The following TUSC3 variants were observed in gnomAD, a reference collection of about 807,000 sequenced individuals.
The protein encoded by TUSC3 is dolichyl-diphosphooligosaccharide--protein glycosyltransferase subunit TUSC3.
A neutral mutation model predicts 44.8 loss-of-function variants in TUSC3; 45 were observed. The ratio of observed to expected loss-of-function variants is 1.00; its 90% CI spans 0.79 to 1.29. The LOEUF (loss-of-function observed/expected upper bound fraction) is 1.29, where lower values mean the gene tolerates loss of function less well. Among genes scored for constraint, TUSC3 ranks in the 50% most tolerant of loss-of-function variants. The probability of loss-of-function intolerance (pLI) is 0.00; values close to 1 mark genes in which losing one functional copy is unlikely to be tolerated. For synonymous variants in TUSC3, 212 were observed against 152.9 expected (o/e 1.39, Z -2.85); for missense variants, 519 against 437.9 (o/e 1.19, Z -1.65).
At chr8:15,748,567 G>A (rs772681938) in intron 9 of TUSC3, 102 bp downstream of exon 9, 1 of 1,170,494 alleles carries the variant, frequency 8.5e-7, no homozygotes, top group African/African-American at 1.5e-5. Context: ...TTGCTGTGTG[G>A]TTTTTTTAAA....
At chr8:15,571,704 G>C (rs1019325189) in intron 1 of TUSC3, among the ~76,000 whole-genome samples, 2 of 152,188 alleles carry the variant, frequency 1.3e-5, no homozygotes, top group East Asian at 3.9e-4. Context: ...AATGCTGTTT[G>C]ATAGAATTTT....
rs1339786128 is a variant in TUSC3, at chr8:15,742,518, T to C, written c.863-1020T>C. ...ATAAAAACAAGACTCAGAGAGGAAATGTTCTGTGCAGAATTTTCTCTGACC... is the reference window on the plus strand; with the variant it reads ...ATAAAAACAAGACTCAGAGAGGAAACGTTCTGTGCAGAATTTTCTCTGACC... On this transcript the variant is annotated intron_variant, in intron 7 of 10. Transcript: ENST00000503731. Among the ~76,000 whole-genome samples the C allele has an allele frequency of 3.3e-5, 5 of 152,172 alleles. No homozygotes were observed. The East Asian group carries it at 7.7e-4, about 24-fold the overall frequency.
chr8:15,771,881 G>A, the TUSC3 span, among the ~76,000 whole-genome samples: 2 of 152,122 alleles, frequency 1.3e-5, no homozygotes, highest in Admixed American at 6.5e-5. Context: ...AAGGTCAGGA[G>A]GTCGAGACCA....
the TUSC3 span, among the ~76,000 whole-genome samples, chr8:15,841,634 G>C: frequency 6.6e-6 from 1 of 151,830 alleles, no homozygotes; most frequent in African/African-American, 2.4e-5. Context: ...CTACCCCAGT[G>C]TCCTGAGTAG....
chr8:15,646,429 T>C (rs1431012583), intron 2 of TUSC3, among the ~76,000 whole-genome samples: 1 of 152,096 alleles, frequency 6.6e-6, no homozygotes, highest in African/African-American at 2.4e-5. Context: ...AATCTACAAA[T>C]TGGTTATTGG....
chr8:15,649,599 A>AT (rs1242838229), intron 2 of TUSC3, among the ~76,000 whole-genome samples: 1 of 152,024 alleles, frequency 6.6e-6, no homozygotes, highest in Non-Finnish European at 1.5e-5. Flanking sequence ...AAAAAAAAAA[A>AT]AAAAAGTTTA....
intron 1 of TUSC3, among the ~76,000 whole-genome samples, chr8:15,612,817 G>A (rs754718271): frequency 4.0e-5 from 6 of 151,796 alleles, no homozygotes; most frequent in African/African-American, 7.3e-5. Flanking sequence ...CAGATTTATG[G>A]CATCTTGGAC....
chr8:15,696,282 G>A (rs1041364846), intron 6 of TUSC3, among the ~76,000 whole-genome samples: 49 of 152,268 alleles, frequency 3.2e-4, no homozygotes, highest in African/African-American at 9.1e-4. Context: ...GGTACAGCTC[G>A]GGATGTGGAT....
intron 6 of TUSC3, among the ~76,000 whole-genome samples, chr8:15,697,321 G>C (rs949571697): frequency 2.0e-5 from 3 of 152,138 alleles, no homozygotes; most frequent in Non-Finnish European, 4.4e-5. Flanking sequence ...CTTCTGCTGA[G>C]TTTGGGTTTG....
intron 2 of TUSC3, among the ~76,000 whole-genome samples, chr8:15,535,136 A>T (rs1452144911): frequency 1.3e-5 from 2 of 152,236 alleles, no homozygotes; most frequent in Non-Finnish European, 2.9e-5. Flanking sequence ...TTTTAAAAAT[A>T]TAAAAGCATA....
chr8:15,463,069 C>T (rs1563257790), intron 1 of TUSC3, among the ~76,000 whole-genome samples: 2 of 151,998 alleles, frequency 1.3e-5, no homozygotes, highest in Admixed American at 6.6e-5. Context: ...TCTACCTTCT[C>T]CTTTTTTTCT....
chr8:15,785,440 C>T, the TUSC3 span, among the ~76,000 whole-genome samples: 37 of 151,040 alleles, frequency 2.4e-4, no homozygotes, highest in Admixed American at 6.6e-4. Context: ...TTATTGTGGA[C>T]ACTTTTTTCA....
intron 2 of TUSC3, among the ~76,000 whole-genome samples, chr8:15,488,205 T>C (rs1163816959): frequency 6.6e-6 from 1 of 152,066 alleles, no homozygotes. Flanking sequence ...CACTTATTTA[T>C]CTCTAAAGTG....
At chr8:15,726,621 C>T (rs192091222) in intron 6 of TUSC3, among the ~76,000 whole-genome samples, 16 of 152,146 alleles carry the variant, frequency 1.1e-4, no homozygotes, top group Admixed American at 3.3e-4. Context: ...GCCTGGCCAA[C>T]GTGGTGAAAC....
At chr8:15,784,638 A>C in the TUSC3 span, among the ~76,000 whole-genome samples, 1 of 152,124 alleles carries the variant, frequency 6.6e-6, no homozygotes, top group Non-Finnish European at 1.5e-5. Context: ...AGAGGACATT[A>C]TGCTAAGTGA....
At chr8:15,645,748 C>T (rs973755288) in intron 2 of TUSC3, among the ~76,000 whole-genome samples, 1 of 152,088 alleles carries the variant, frequency 6.6e-6, no homozygotes, top group Admixed American at 6.5e-5. Flanking sequence ...GTCATGAACA[C>T]TATTCCTTTG....
chr8:15,583,476 C>A (rs975844894), intron 1 of TUSC3, among the ~76,000 whole-genome samples: 1 of 152,094 alleles, frequency 6.6e-6, no homozygotes, highest in African/African-American at 2.4e-5. Flanking sequence ...AAATAATAGG[C>A]TTATTATTGT....
intron 1 of TUSC3, among the ~76,000 whole-genome samples, chr8:15,436,834 A>G (rs941039028): frequency 6.6e-6 from 1 of 152,206 alleles, no homozygotes; most frequent in Non-Finnish European, 1.5e-5. Context: ...AAGCCTGTGT[A>G]TAGGAAGAGG....
intron 1 of TUSC3, among the ~76,000 whole-genome samples, chr8:15,482,969 T>C (rs1467409454): frequency 6.6e-6 from 1 of 151,988 alleles, no homozygotes; most frequent in African/African-American, 2.4e-5. Flanking sequence ...AAAACACTGG[T>C]AATTAAGCTG....
Sources: allele counts gnomAD v4.1 joint callset (sites outside exome capture counted in the v4.1 genomes callset), GRCh38; gene constraint gnomAD v4.1.1; transcripts MANE v1.5; gene names NCBI Gene and HGNC (gene_info 2026-07-23, HGNC 2026-07-21).